The following PRAG1 variants were observed in gnomAD, a reference collection of about 807,000 sequenced individuals.
PRAG1 encodes the protein PEAK1 related, kinase-activating pseudokinase 1.
A neutral mutation model predicts 95.6 loss-of-function variants in PRAG1; 110 were observed. The ratio of observed to expected loss-of-function variants is 1.15; its 90% CI spans 0.99 to 1.35. The LOEUF (loss-of-function observed/expected upper bound fraction) is 1.35. PRAG1 is among the 40% of genes most tolerant of loss of function. PRAG1 has a pLI of 0.00. For missense variants in PRAG1, 2,554 were observed against 1,864.7 expected (o/e 1.37, Z -6.81); for synonymous variants, 1,052 against 819.4 (o/e 1.28, Z -4.85).
Position 8,377,534 on chromosome 8 carries a change from C to T in PRAG1, c.875G>A (p.Gly292Glu). 1 of 1,589,322 alleles carries T rather than the reference C, an allele frequency of 6.3e-7. No homozygotes were observed. Residue 292 changes from glycine to glutamate, a missense_variant, in exon 3 of 6, where the codon GGG (glycine) becomes GAG (glutamate). Physicochemically the swap from Gly to Glu is moderately conservative, Grantham distance 98. Coordinates refer to ENST00000615670, the MANE Select transcript of PRAG1 (RefSeq NM_001080826.3). ...CTGCTCTGCGGGCCCGGAACACTTC[C>T]CCTGCTCCCAGCACGTGGGTGAGCA... ...RDCSPTCWEQ[G>E]KCSGPAEQEK...
intron 4 of PRAG1, among the ~76,000 whole-genome samples, chr8:8,330,664 T>C (rs1360890731): frequency 3.9e-5 from 6 of 152,000 alleles, no homozygotes; most frequent in Non-Finnish European, 8.8e-5. Context: ...GCAGAAGAAA[T>C]AGCGAGCCAG....
At chr8:8,354,947 A>C (rs1042939614) in intron 3 of PRAG1, among the ~76,000 whole-genome samples, 1 of 152,184 alleles carries the variant, frequency 6.6e-6, no homozygotes, top group Non-Finnish European at 1.5e-5. Context: ...AGAAAAAGAA[A>C]TAAAAGGCAT....
At chr8:8,380,196 G>A (rs1250094114) in intron 2 of PRAG1, among the ~76,000 whole-genome samples, 2 of 152,106 alleles carry the variant, frequency 1.3e-5, no homozygotes, top group Non-Finnish European at 2.9e-5. Flanking sequence ...GATCACTTGA[G>A]CCTGGGAGGT....
chr8:8,377,869 C>G lies in PRAG1; in HGVS notation c.540G>C (p.Val180=), dbSNP rs978248248. 14 of 1,614,038 alleles carry G rather than the reference C, an allele frequency of 8.7e-6. No individual in the cohort carries two copies. In the Admixed American group the frequency reaches 1.3e-4, roughly 15 times the overall value. Residue 180 remains valine (V), a synonymous_variant, in exon 3 of 6, where the codon GTG becomes GTC. Transcript: ENST00000615670. The stretch of plus-strand genomic sequence containing the variant: ...GCACAGCCTTCTCCTCCGGGAAGCT[C>G]ACCGGGTGGAAGGCAATGTTCCTCT... ...RGERNIAFHP[V]SFPEEKAVHK...
Position 8,377,997 on chromosome 8 carries a change from C to T in PRAG1, c.412G>A (p.Gly138Ser). ...APVVYLGSFRGVQKPAGPSTS... is the reference protein window; with the variant it reads ...APVVYLGSFRSVQKPAGPSTS... ...GAGGGACCAGCAGGCTTCTGTACACCTCGGAAGCTGCCCAGGTAGACGACG... is the reference window on the plus strand; with the variant it reads ...GAGGGACCAGCAGGCTTCTGTACACTTCGGAAGCTGCCCAGGTAGACGACG... Residue 138 changes from glycine (G) to serine (S), a missense_variant, in exon 3 of 6, where the codon GGT (glycine) becomes AGT (serine). Transcript: ENST00000615670. The T allele has an allele frequency of 6.2e-7, 1 of 1,604,632 alleles. No individual in the cohort carries two copies. The highest frequency in any genetic ancestry group is 8.5e-7 in the Non-Finnish European group (1 of 1,174,886).
chr8:8,380,792 G>T (rs1200783065), intron 2 of PRAG1, among the ~76,000 whole-genome samples: 1 of 145,334 alleles, frequency 6.9e-6, no homozygotes, highest in Non-Finnish European at 1.5e-5. Flanking sequence ...GTCAGAGATT[G>T]CAGTGAGCTG....
intron 3 of PRAG1, among the ~76,000 whole-genome samples, chr8:8,339,924 C>G (rs990332552): frequency 6.6e-6 from 1 of 152,202 alleles, no homozygotes; most frequent in Non-Finnish European, 1.5e-5. Flanking sequence ...CTGACCCCAT[C>G]TGCCAAAACA....
intron 3 of PRAG1, among the ~76,000 whole-genome samples, chr8:8,346,006 G>C (rs1329856356): frequency 6.6e-6 from 1 of 152,136 alleles, no homozygotes; most frequent in Non-Finnish European, 1.5e-5. Context: ...TCTTTACACT[G>C]TGTGTAAAAT....
At chr8:8,338,917 T>C (rs1008599892) in intron 4 of PRAG1, among the ~76,000 whole-genome samples, 5 of 152,012 alleles carry the variant, frequency 3.3e-5, no homozygotes, top group African/African-American at 1.2e-4. Context: ...AAAACAAGAG[T>C]TCCTTTTTAG....
intron 2 of PRAG1, among the ~76,000 whole-genome samples, chr8:8,379,512 A>T (rs1244488690): frequency 6.6e-6 from 1 of 152,166 alleles, no homozygotes; most frequent in African/African-American, 2.4e-5. Flanking sequence ...AGCTTAGGAA[A>T]AAACAGAGCA....
intron 2 of PRAG1, among the ~76,000 whole-genome samples, chr8:8,379,527 G>A (rs543096505): frequency 5.9e-5 from 9 of 152,288 alleles, no homozygotes; most frequent in African/African-American, 1.4e-4. Flanking sequence ...AGAGCAGCCC[G>A]GAAGGGGACA....
intron 3 of PRAG1, among the ~76,000 whole-genome samples, chr8:8,349,681 T>C (rs909368890): frequency 2.0e-5 from 3 of 152,066 alleles, no homozygotes; most frequent in Non-Finnish European, 2.9e-5. Flanking sequence ...ATAGGGCCAA[T>C]CTTCTCTGGG....
At chr8:8,324,121 T>C (rs1189221910) in intron 5 of PRAG1, among the ~76,000 whole-genome samples, 1 of 152,236 alleles carries the variant, frequency 6.6e-6, no homozygotes, top group Non-Finnish European at 1.5e-5. Context: ...CTATGGTGAC[T>C]GCTCTTGCCA....
intron 3 of PRAG1, among the ~76,000 whole-genome samples, chr8:8,346,223 G>A (rs1481634351): frequency 2.6e-5 from 4 of 152,204 alleles, no homozygotes; most frequent in Non-Finnish European, 5.9e-5. Context: ...CAAACCATCT[G>A]CAAAATACTT....
rs546851532 is a variant in PRAG1, at chr8:8,339,933, C to T, written c.2163-298G>A. On this transcript the variant is annotated intron_variant, in intron 3 of 5. Transcript: ENST00000615670. ...CATATTCTGACCCCATCTGCCAAAACAGTTGTGTCACTTATTATATCCTGT... is the reference window on the plus strand; with the variant it reads ...CATATTCTGACCCCATCTGCCAAAATAGTTGTGTCACTTATTATATCCTGT... Among the ~76,000 whole-genome samples, 360 of 152,306 alleles carry T rather than the reference C, an allele frequency of 2.4e-3. 1 individual carries two copies. The highest frequency in any genetic ancestry group is 6.8e-3 in the Middle Eastern group (2 of 294).
Position 8,377,518 on chromosome 8 carries a change from G to A in PRAG1, c.891C>T (p.Pro297=), listed in dbSNP as rs772116048. Residue 297 remains proline, a synonymous_variant, in exon 3 of 6, where the codon CCC becomes CCT. Transcript: ENST00000615670. ...TCWEQGKCSG[P]AEQEKRGPSF... ...TCGGGCCCCGCTTCTCCTGCTCTGC[G>A]GGCCCGGAACACTTCCCCTGCTCCC... The A allele has an allele frequency of 2.2e-5, 35 of 1,571,534 alleles. No individual in the cohort carries two copies. Among genetic ancestry groups the A allele is most frequent in the South Asian group, 8.3e-5 (7 of 84,288 alleles).
intron 3 of PRAG1, among the ~76,000 whole-genome samples, chr8:8,349,542 A>G (rs1266711487): frequency 1.3e-5 from 2 of 152,062 alleles, no homozygotes; most frequent in Non-Finnish European, 2.9e-5. Context: ...TCGGCCTCCC[A>G]AAGTGCTGGG....
In PRAG1 at chr8:8,327,800, C is replaced by G. The variant is rs1414051209; in HGVS notation, c.2982G>C (p.Leu994=). The G allele has an allele frequency of 1.9e-6, 3 of 1,614,222 alleles. No homozygotes were observed. In the Admixed American group the frequency reaches 5.0e-5, roughly 27 times the overall value. Reference sequence around the variant, plus strand: ...AGTCACAGCAGGGCTTGTTACAAGTCAGCTTGAAGAGCGACCAGTTATTCT... The same window carrying G: ...AGTCACAGCAGGGCTTGTTACAAGTGAGCTTGAAGAGCGACCAGTTATTCT... ...FNENNWSLFK[L]TCNKPCCDSG... The change falls in exon 5 of 6, where the codon CTG becomes CTC. Residue 994 remains leucine (L), a synonymous_variant. Coordinates refer to ENST00000615670, the MANE Select transcript of PRAG1 (RefSeq NM_001080826.3).
Position 8,377,238 on chromosome 8 carries a change from G to C in PRAG1, c.1171C>G (p.Leu391Val), listed in dbSNP as rs887983430. Residue 391 changes from leucine to valine, a missense_variant, in exon 3 of 6, where the codon CTT becomes GTT. Transcript: ENST00000615670. ...GCPGVTPSRC[L>V]GLTGEPQPPA... ...GGCTGGGGCTCCCCCGTCAGCCCAA[G>C]GCATCTGCTAGGGGTCACCCCTGGG... The C allele has an allele frequency of 6.2e-7, 1 of 1,612,870 alleles. No individual in the cohort carries two copies. Among genetic ancestry groups the C allele is most frequent in the Non-Finnish European group, 8.5e-7 (1 of 1,179,976 alleles).
Sources: allele counts gnomAD v4.1 joint callset (sites outside exome capture counted in the v4.1 genomes callset), GRCh38; gene constraint gnomAD v4.1.1; transcripts MANE v1.5; gene names NCBI Gene and HGNC (gene_info 2026-07-23, HGNC 2026-07-21).